CHRNA9: variants seen among roughly 807,000 people sequenced by gnomAD.
CHRNA9 encodes cholinergic receptor nicotinic alpha 9 subunit.
CHRNA9 carries 24 observed loss-of-function variants against 36.8 expected under a neutral mutation model. That is an observed-to-expected ratio of 0.65 (90% CI 0.47 to 0.92). The LOEUF (loss-of-function observed/expected upper bound fraction) is 0.92. Among genes scored for constraint, CHRNA9 ranks in the 40% least tolerant of loss-of-function variants. The pLI is 0.00. For missense variants in CHRNA9, 610 were observed against 601.2 expected (o/e 1.01, Z -0.15); for synonymous variants, 231 against 231.8 (o/e 1.00, Z 0.03).
intron 3 of CHRNA9, among the ~76,000 whole-genome samples, chr4:40,345,714 AAAACAAACAAAC>A (rs200677279): frequency 3.3e-5 from 5 of 151,076 alleles, no homozygotes; most frequent in Non-Finnish European, 7.4e-5. Context: ...TCCATCTCAA[AAAACAAACAAAC>A]AAACAAACAA....
intron 3 of CHRNA9, among the ~76,000 whole-genome samples, chr4:40,346,884 C>A (rs1257892007): frequency 6.6e-6 from 1 of 152,104 alleles, no homozygotes; most frequent in Non-Finnish European, 1.5e-5. Context: ...GATCTCAACT[C>A]ACTACAACCT....
intron 3 of CHRNA9, 33 bp from the exon 4 acceptor site, chr4:40,348,849 A>G (rs777048410): frequency 6.3e-7 from 1 of 1,599,918 alleles, no homozygotes; most frequent in African/African-American, 1.3e-5. Context: ...TTCTCCTAGC[A>G]TGCGGCTTTC....
chr4:40,340,121 G>A (rs546700058), intron 3 of CHRNA9, among the ~76,000 whole-genome samples: 2 of 152,278 alleles, frequency 1.3e-5, no homozygotes, highest in East Asian at 3.9e-4. Context: ...TGACCCCACT[G>A]CTCCCTTATT....
rs149641999 is a variant in CHRNA9, at chr4:40,343,396, G to A, written c.366-5486G>A. Among the ~76,000 whole-genome samples the A allele has an allele frequency of 6.1e-3, 933 of 152,290 alleles. 6 individuals are homozygous for A. Among genetic ancestry groups the A allele is most frequent in the African/African-American group, 0.021 (875 of 41,538 alleles). Reference sequence around the variant, plus strand: ...GAGCAAAGTCACATCTTACATGGTGGCAGGCAAGAGAGAATGTGCAGGGGA... The same window carrying A: ...GAGCAAAGTCACATCTTACATGGTGACAGGCAAGAGAGAATGTGCAGGGGA... On this transcript the variant is annotated intron_variant, in intron 3 of 4. Coordinates refer to ENST00000310169, the MANE Select transcript of CHRNA9 (RefSeq NM_017581.4).
chr4:40,344,175 C>T (rs544189273), intron 3 of CHRNA9, among the ~76,000 whole-genome samples: 1 of 152,332 alleles, frequency 6.6e-6, no homozygotes, highest in Admixed American at 6.5e-5. Context: ...TGCAGCCCTG[C>T]TCACATTGGT....
At chr4:40,344,266 C>T (rs144080887) in intron 3 of CHRNA9, among the ~76,000 whole-genome samples, 26 of 152,158 alleles carry the variant, frequency 1.7e-4, no homozygotes, top group African/African-American at 5.8e-4. Flanking sequence ...CACGGTGGCT[C>T]GTGCCTGTAA....
intron 3 of CHRNA9, 90 bp from the exon 4 acceptor site, chr4:40,348,792 T>A: frequency 7.7e-7 from 1 of 1,305,200 alleles, no homozygotes; most frequent in Non-Finnish European, 1.1e-6. Flanking sequence ...GCCAAAACAC[T>A]GAAGTGATGG....
rs1712881444 is a variant in CHRNA9 at position 40,354,136 on chromosome 4, T to C, written c.1056T>C (p.Tyr352=). The change falls in exon 5 of 5, where the codon TAT becomes TAC. Residue 352 remains tyrosine (Y), a synonymous_variant. Coordinates refer to ENST00000310169, the MANE Select transcript of CHRNA9 (RefSeq NM_017581.4). ...ACATGTCCAGGGTCTTGTTTGTCTATGATGTGGGTGAAAGCTGCCTCAGCC... is the reference window on the plus strand; with the variant it reads ...ACATGTCCAGGGTCTTGTTTGTCTACGATGTGGGTGAAAGCTGCCTCAGCC... ...LKYMSRVLFV[Y]DVGESCLSPH... is the part of the protein sequence containing the mutation. 2.5e-6 allele frequency: 4 copies of C among 1,614,020 alleles called. No individual in the cohort carries two copies. Among genetic ancestry groups the C allele is most frequent in the Non-Finnish European group, 3.4e-6 (4 of 1,180,010 alleles).
chr4:40,348,070 T>G (rs955909439), intron 3 of CHRNA9: 1 of 152,004 alleles, frequency 6.6e-6, no homozygotes, highest in Non-Finnish European at 1.5e-5. Flanking sequence ...GGACTGTCTG[T>G]TTTTTTTCAG....
At chr4:40,337,708 A>G (rs1387105928) in intron 3 of CHRNA9, among the ~76,000 whole-genome samples, 5 of 152,148 alleles carry the variant, frequency 3.3e-5, no homozygotes, top group African/African-American at 1.2e-4. Context: ...GATGCCTGAG[A>G]TGAAGGGGTT....
chr4:40,350,845 T>C (rs989697205), intron 4 of CHRNA9, among the ~76,000 whole-genome samples: 1 of 152,148 alleles, frequency 6.6e-6, no homozygotes. Flanking sequence ...CATCCAATCA[T>C]AGCCCTGTTT....
intron 3 of CHRNA9, among the ~76,000 whole-genome samples, chr4:40,342,989 T>C (rs771449872): frequency 2.6e-5 from 4 of 151,966 alleles, no homozygotes; most frequent in Non-Finnish European, 5.9e-5. Flanking sequence ...GAAAGAGACA[T>C]TGGAGATGGA....
rs1449337921 is a variant in CHRNA9, at chr4:40,354,708, A to C, written c.*188A>C. 13 of 555,250 alleles carry C rather than the reference A, an allele frequency of 2.3e-5. No individual in the cohort carries two copies. The highest frequency in any genetic ancestry group is 1.5e-4 in the East Asian group (5 of 33,794). 34.4% of individuals were successfully genotyped at this position (555,250 alleles called of 1,614,324 possible). The stretch of plus-strand genomic sequence containing the variant: ...AATTAAGCAGAAGAACCAAAATTTC[A>C]AGGGTAGGAAGATGGAAGAAATAGG... On this transcript the variant is annotated 3_prime_UTR_variant, in exon 5 of 5. Coordinates refer to ENST00000310169, the MANE Select transcript of CHRNA9 (RefSeq NM_017581.4).
chr4:40,335,805 C>A (rs1339324957), intron 1 of CHRNA9, 22 bp from the exon 2 acceptor site: 1 of 1,603,108 alleles, frequency 6.2e-7, no homozygotes, highest in East Asian at 2.2e-5. Context: ...GAATGTTAAT[C>A]CAGATCCCTC....
At chr4:40,348,194 G>A (rs1344711043) in intron 3 of CHRNA9, 1 of 152,372 alleles carries the variant, frequency 6.6e-6, no homozygotes, top group Admixed American at 6.5e-5. Context: ...TTTGGCCAGG[G>A]ACACTGGGGC....
chr4:40,342,395 C>T lies in CHRNA9; in HGVS notation c.365+5031C>T, dbSNP rs148089265. ...AGGGCTAATAGAGATGCCAAAAGCC[C>T]TTAAAGTCCTATAGAACTACTCATG... is the stretch of plus-strand genomic sequence containing the variant. On this transcript the variant is annotated intron_variant, in intron 3 of 4. Coordinates refer to ENST00000310169, the MANE Select transcript of CHRNA9 (RefSeq NM_017581.4). 1.1e-4 allele frequency among the ~76,000 whole-genome samples: 17 copies of T among 152,206 alleles called. 1 individual carries two copies. Among genetic ancestry groups the T allele is most frequent in the African/African-American group, 2.9e-4 (12 of 41,514 alleles).
intron 3 of CHRNA9, among the ~76,000 whole-genome samples, chr4:40,342,716 G>T (rs1454643036): frequency 2.0e-5 from 3 of 152,168 alleles, no homozygotes; most frequent in Non-Finnish European, 4.4e-5. Flanking sequence ...ACAATAGCAG[G>T]TATCAGTTAC....
Position 40,349,018 on chromosome 4 carries a change from C to T in CHRNA9, c.502C>T (p.Gln168Ter), listed in dbSNP as rs1452149792. Reference sequence around the variant, plus strand: ...CACCTACTTCCCTTTTGACAACCAGCAGTGCAACCTGACTTTTGGTTCCTG... The same window carrying T: ...CACCTACTTCCCTTTTGACAACCAGTAGTGCAACCTGACTTTTGGTTCCTG... ...DVTYFPFDNQ[Q>*]CNLTFGSWTY... Residue 168 changes from glutamine (Q) to a stop codon, truncating the protein, a stop_gained, in exon 4 of 5, where the codon CAG becomes TAG. Coordinates refer to ENST00000310169, the MANE Select transcript of CHRNA9 (RefSeq NM_017581.4). LOFTEE classifies it high-confidence loss of function. 1.9e-6 allele frequency: 3 copies of T among 1,614,088 alleles called. No individual in the cohort carries two copies. The African/African-American group carries it at 4.0e-5, about 22-fold the overall frequency.
Position 40,349,384 on chromosome 4 carries a change from A to G in CHRNA9, c.868A>G (p.Met290Val), listed in dbSNP as rs143514845. The change falls in exon 4 of 5, where the codon ATG becomes GTG. Residue 290 changes from methionine to valine, a missense_variant. By Grantham distance (21) the Met-to-Val change is conservative. Transcript: ENST00000310169. Reference protein sequence around the residue: ...TVFQLMVAEIMPASENVPLIG... With the variant: ...TVFQLMVAEIVPASENVPLIG... ...ATTTCAGCTAATGGTGGCAGAAATC[A>G]TGCCGGCCTCAGAAAATGTGCCCCT... is the stretch of plus-strand genomic sequence containing the variant. The G allele has an allele frequency of 6.2e-7, 1 of 1,613,718 alleles. No homozygotes were observed. The highest frequency in any genetic ancestry group is 1.3e-5 in the African/African-American group (1 of 74,910).
Sources: gnomAD v4.1 joint callset for allele counts (sites outside exome capture counted in the v4.1 genomes callset) on GRCh38, gnomAD v4.1.1 for gene constraint, MANE v1.5 for transcripts, NCBI Gene and HGNC (gene_info 2026-07-23, HGNC 2026-07-21) for gene names.